RBPMS: variants seen among roughly 807,000 people sequenced by gnomAD.
RBPMS encodes RNA-binding protein with multiple splicing.
A neutral mutation model predicts 26.8 loss-of-function variants in RBPMS; 7 were observed. The ratio of observed to expected loss-of-function variants is 0.26; its 90% CI spans 0.15 to 0.49. The LOEUF (loss-of-function observed/expected upper bound fraction) is 0.49, where lower values mean the gene tolerates loss of function less well. RBPMS is among the 20% of genes least tolerant of loss of function. RBPMS has a pLI of 0.98. For synonymous variants in RBPMS, 96 were observed against 93.3 expected (o/e 1.03, Z -0.17); for missense variants, 186 against 250.0 (o/e 0.74, Z 1.73).
At chr8:30,501,983 C>T (rs1314207965) in intron 4 of RBPMS, among the ~76,000 whole-genome samples, 1 of 151,952 alleles carries the variant, frequency 6.6e-6, no homozygotes. Context: ...ATGTTTTTGG[C>T]TTGGCTAATC....
intron 5 of RBPMS, among the ~76,000 whole-genome samples, chr8:30,520,797 G>A (rs1822944125): frequency 6.6e-6 from 1 of 151,782 alleles, no homozygotes. Context: ...TTACAGCTTT[G>A]TGAGAATAAA....
At chr8:30,522,784 T>C (rs552902785) in intron 5 of RBPMS, among the ~76,000 whole-genome samples, 6 of 152,368 alleles carry the variant, frequency 3.9e-5, no homozygotes, top group South Asian at 4.1e-4. Context: ...TAAATACTTA[T>C]GTTTCTGACA....
intron 1 of RBPMS, among the ~76,000 whole-genome samples, chr8:30,420,637 A>T (rs1285608201): frequency 6.6e-6 from 1 of 152,236 alleles, no homozygotes; most frequent in African/African-American, 2.4e-5. Context: ...TCTAACTTTC[A>T]GCAATGTTGT....
chr8:30,544,669 G>A, intron 6 of RBPMS, 45 bp downstream of exon 6: 2 of 1,611,444 alleles, frequency 1.2e-6, no homozygotes, highest in South Asian at 1.1e-5. Context: ...TTCACCACCA[G>A]TCCTTTCAAA....
chr8:30,563,918 A>G (rs1231317769), intron 7 of RBPMS: 2 of 152,294 alleles, frequency 1.3e-5, no homozygotes, highest in East Asian at 3.8e-4. Flanking sequence ...AGGTCTGCAC[A>G]TCACACCTAA....
chr8:30,569,664 C>T (rs1198943300), intron 8 of RBPMS, among the ~76,000 whole-genome samples: 2 of 151,994 alleles, frequency 1.3e-5, no homozygotes, highest in Non-Finnish European at 2.9e-5. Context: ...GATGAAGATT[C>T]GAGGTAGAAG....
At chr8:30,490,965 C>T (rs1260197995) in intron 4 of RBPMS, among the ~76,000 whole-genome samples, 1 of 152,188 alleles carries the variant, frequency 6.6e-6, no homozygotes, top group Non-Finnish European at 1.5e-5. Flanking sequence ...TTCTTTTCAA[C>T]TAACTTGTGC....
chr8:30,570,665 C>T lies in RBPMS; in HGVS notation c.*140C>T, dbSNP rs1828211550. The T allele has an allele frequency of 6.6e-6, 1 of 152,570 alleles. No individual in the cohort carries two copies. Among genetic ancestry groups the T allele is most frequent in the Non-Finnish European group, 1.5e-5 (1 of 68,028 alleles). 9.5% of individuals were successfully genotyped at this position (152,570 alleles called of 1,614,324 possible). The stretch of plus-strand genomic sequence containing the variant: ...TGAAAAACCCTTGCCCAGTTTTGAT[C>T]CCTTCAAGACTTTGTCACAGCCTCT... On this transcript the variant is annotated 3_prime_UTR_variant, in exon 9 of 9. Transcript: ENST00000397323.
At chr8:30,552,624 C>A (rs1022871134) in intron 6 of RBPMS, 1 of 152,214 alleles carries the variant, frequency 6.6e-6, no homozygotes, top group Non-Finnish European at 1.5e-5. Context: ...GGATGACAAG[C>A]AACCACTGTG....
chr8:30,449,369 CTTTTTTTTTTTT>C (rs5890522), intron 1 of RBPMS, among the ~76,000 whole-genome samples: 4 of 106,510 alleles, frequency 3.8e-5, no homozygotes, highest in Non-Finnish European at 7.2e-5. Flanking sequence ...CACATCTCCT[CTTTTTTTTTTTT>C]TTTTTTTTTG....
chr8:30,491,553 T>C (rs775917364), intron 4 of RBPMS, among the ~76,000 whole-genome samples: 2 of 152,188 alleles, frequency 1.3e-5, no homozygotes, highest in African/African-American at 4.8e-5. Context: ...GGAGGCCTAT[T>C]GCGGTCTATG....
intron 6 of RBPMS, 121 bp downstream of exon 6, chr8:30,544,745 T>G (rs1341176665): frequency 5.6e-6 from 9 of 1,600,232 alleles, no homozygotes; most frequent in Non-Finnish European, 6.8e-6. Context: ...CCTCAAGAGA[T>G]TAATGATCCC....
At chr8:30,518,723 G>A (rs1822658047) in intron 5 of RBPMS, among the ~76,000 whole-genome samples, 1 of 17,890 alleles carries the variant, frequency 5.6e-5, no homozygotes, top group Non-Finnish European at 1.4e-4. Context: ...TTTCTGAAAA[G>A]GAGTATGATT....
intron 5 of RBPMS, among the ~76,000 whole-genome samples, chr8:30,529,365 C>CT (rs765072543): frequency 2.6e-5 from 4 of 151,902 alleles, no homozygotes; most frequent in African/African-American, 7.2e-5. Flanking sequence ...CTTAAAAACT[C>CT]TAACTGCATG....
chr8:30,428,321 A>T (rs1563309519), intron 1 of RBPMS, among the ~76,000 whole-genome samples: 2 of 151,296 alleles, frequency 1.3e-5, no homozygotes, highest in African/African-American at 2.4e-5. Flanking sequence ...GCACCTGGCC[A>T]TGGGACCCCA....
intron 1 of RBPMS, among the ~76,000 whole-genome samples, chr8:30,419,770 A>G (rs1810538697): frequency 6.6e-6 from 1 of 152,200 alleles, no homozygotes; most frequent in Non-Finnish European, 1.5e-5. Context: ...GAAATATTCC[A>G]AAATCTGAAA....
At chr8:30,519,772 C>T (rs548670999) in intron 5 of RBPMS, among the ~76,000 whole-genome samples, 128 of 152,180 alleles carry the variant, frequency 8.4e-4, no homozygotes, top group African/African-American at 3.0e-3. Context: ...GGATTACAGG[C>T]GTGAGCCACC....
intron 4 of RBPMS, among the ~76,000 whole-genome samples, chr8:30,481,548 T>C (rs575950025): frequency 6.7e-6 from 1 of 150,140 alleles, no homozygotes; most frequent in East Asian, 1.9e-4. Flanking sequence ...TCTCCATTCT[T>C]TTTTTTTTTC....
At chr8:30,473,357 CCT>C (rs1244739785) in intron 1 of RBPMS, among the ~76,000 whole-genome samples, 4 of 152,138 alleles carry the variant, frequency 2.6e-5, no homozygotes, top group Non-Finnish European at 5.9e-5. Context: ...TGGTGTTTCC[CCT>C]GTGTTCTGTG....
Sources: gnomAD v4.1 joint callset for allele counts (sites outside exome capture counted in the v4.1 genomes callset) on GRCh38, gnomAD v4.1.1 for gene constraint, MANE v1.5 for transcripts, NCBI Gene and HGNC (gene_info 2026-07-23, HGNC 2026-07-21) for gene names.